The following MAP4K3 variants were observed in gnomAD, a reference collection of about 807,000 sequenced individuals.
The protein encoded by MAP4K3 is mitogen-activated protein kinase kinase kinase kinase 3.
In MAP4K3, 94 loss-of-function variants were observed where a neutral mutation model predicts 143.5. The observed-to-expected ratio is 0.65, with a 90% CI of 0.55 to 0.78. The LOEUF (loss-of-function observed/expected upper bound fraction) is 0.78, where lower values mean the gene tolerates loss of function less well. Among genes scored for constraint, MAP4K3 ranks in the 30% least tolerant of loss-of-function variants. The probability of loss-of-function intolerance (pLI) is 0.00; values close to 1 mark genes in which losing one functional copy is unlikely to be tolerated. For missense variants in MAP4K3, 1,077 were observed against 1,068.1 expected, an observed-to-expected ratio of 1.01 and a Z score of -0.12; for synonymous variants, 416 against 347.2, an observed-to-expected ratio of 1.20 and a Z score of -2.20.
chr2:39,378,113 A>G lies in MAP4K3; in HGVS notation c.107T>C (p.Val36Ala). Reference sequence around the variant, plus strand: ...AATTGCTGCTAATTCACCAGTGTTAACATTCCGTGCCTAAAAGAAAGAGGA... The same window carrying G: ...AATTGCTGCTAATTCACCAGTGTTAGCATTCCGTGCCTAAAAGAAAGAGGA... ...TYGDVYKARNVNTGELAAIKV... is the reference protein window; with the variant it reads ...TYGDVYKARNANTGELAAIKV... Residue 36 changes from valine to alanine, a missense_variant, in exon 2 of 34, where the codon GTT becomes GCT. Val to Ala is a moderately conservative substitution (Grantham distance 64, BLOSUM62 0). This residue lies in a region of MAP4K3 where 213 missense variants were observed against 266.8 expected (regional missense o/e 0.80). Transcript: ENST00000263881. The G allele has an allele frequency of 1.3e-6, 2 of 1,586,330 alleles. No individual in the cohort carries two copies. Among genetic ancestry groups the G allele is most frequent in the Non-Finnish European group, 8.6e-7 (1 of 1,165,702 alleles).
At chr2:39,267,745 T>C (rs989997590) in intron 26 of MAP4K3, among the ~76,000 whole-genome samples, 4 of 150,194 alleles carry the variant, frequency 2.7e-5, no homozygotes, top group African/African-American at 7.3e-5. Flanking sequence ...CAGTTCCAAA[T>C]GGGTTAAGGG....
At chr2:39,370,418 T>C (rs1383466459) in intron 2 of MAP4K3, among the ~76,000 whole-genome samples, 2 of 152,104 alleles carry the variant, frequency 1.3e-5, no homozygotes, top group East Asian at 3.8e-4. Context: ...AGGCACCAGA[T>C]AAATCATATC....
chr2:39,377,267 C>T (rs1278561354), intron 2 of MAP4K3, among the ~76,000 whole-genome samples: 1 of 130,002 alleles, frequency 7.7e-6, no homozygotes, highest in Non-Finnish European at 1.6e-5. Flanking sequence ...GATTTCTGTT[C>T]ATACTGGAGC....
intron 1 of MAP4K3, among the ~76,000 whole-genome samples, chr2:39,429,596 G>T (rs936031382): frequency 6.6e-6 from 1 of 152,068 alleles, no homozygotes; most frequent in East Asian, 1.9e-4. Context: ...GGGGAAGGTG[G>T]GTGTTGGGTA....
intron 3 of MAP4K3, among the ~76,000 whole-genome samples, chr2:39,354,166 A>G (rs10190069): frequency 0.89 from 135,283 of 152,140 alleles, 60,361 homozygotes; most frequent in Non-Finnish European, 0.92. Flanking sequence ...AAAAAAGGCC[A>G]GGCACAGTGG....
At chr2:39,340,111 T>C (rs531855878) in intron 4 of MAP4K3, among the ~76,000 whole-genome samples, 18 of 152,276 alleles carry the variant, frequency 1.2e-4, no homozygotes, top group African/African-American at 2.9e-4. Flanking sequence ...AGGGGAAACC[T>C]TGCAAGCACT....
At chr2:39,422,690 TGG>T (rs1667580604) in intron 1 of MAP4K3, among the ~76,000 whole-genome samples, 2 of 152,108 alleles carry the variant, frequency 1.3e-5, no homozygotes, top group Admixed American at 1.3e-4. Flanking sequence ...CAAATAGTAC[TGG>T]AACAACTGTA....
chr2:39,368,898 C>T (rs959970284), intron 2 of MAP4K3, among the ~76,000 whole-genome samples: 31 of 152,090 alleles, frequency 2.0e-4, no homozygotes, highest in Admixed American at 2.0e-3. Context: ...ACCTATTCTT[C>T]CCATAAACTC....
chr2:39,319,328 T>C (rs986505418), intron 12 of MAP4K3, among the ~76,000 whole-genome samples: 2 of 152,074 alleles, frequency 1.3e-5, no homozygotes, highest in African/African-American at 2.4e-5. Flanking sequence ...ACTAAAACCT[T>C]ATTGTTTCTT....
chr2:39,367,172 C>T (rs930958822), intron 2 of MAP4K3, among the ~76,000 whole-genome samples: 2 of 152,198 alleles, frequency 1.3e-5, no homozygotes, highest in African/African-American at 4.8e-5. Flanking sequence ...CTTACATTTA[C>T]ATACATTGTT....
At chr2:39,356,611 G>A (rs894288833) in intron 2 of MAP4K3, among the ~76,000 whole-genome samples, 1 of 152,154 alleles carries the variant, frequency 6.6e-6, no homozygotes, top group Non-Finnish European at 1.5e-5. Flanking sequence ...TAAGCGGTGT[G>A]AGTTTGGGTA....
intron 2 of MAP4K3, among the ~76,000 whole-genome samples, chr2:39,357,324 T>C (rs1343806065): frequency 6.6e-6 from 1 of 152,232 alleles, no homozygotes; most frequent in African/African-American, 2.4e-5. Context: ...GCTTTTAAAG[T>C]ATTATATACT....
intron 24 of MAP4K3, among the ~76,000 whole-genome samples, chr2:39,276,683 T>C (rs142172853): frequency 0.01 from 1,532 of 152,336 alleles, 26 homozygotes; most frequent in Admixed American, 0.04. Flanking sequence ...TTAAAAACAC[T>C]GCGTGGACAC....
intron 3 of MAP4K3, among the ~76,000 whole-genome samples, chr2:39,347,858 T>C (rs1665341303): frequency 6.6e-6 from 1 of 152,090 alleles, no homozygotes; most frequent in Non-Finnish European, 1.5e-5. Flanking sequence ...ATTAGAAATT[T>C]ATCCTAGAGC....
intron 1 of MAP4K3, among the ~76,000 whole-genome samples, chr2:39,390,619 C>A (rs150158622): frequency 6.6e-6 from 1 of 152,034 alleles, no homozygotes; most frequent in Admixed American, 6.6e-5. Context: ...ATGCCCAGGG[C>A]TGAGAAAAAG....
At chr2:39,265,708 T>C (rs1680736975) in intron 27 of MAP4K3, among the ~76,000 whole-genome samples, 1 of 152,222 alleles carries the variant, frequency 6.6e-6, no homozygotes, top group Non-Finnish European at 1.5e-5. Flanking sequence ...AAGGTGCTTT[T>C]GGTGGTAATG....
chr2:39,270,449 A>C (rs369543423), intron 26 of MAP4K3, among the ~76,000 whole-genome samples: 1 of 152,244 alleles, frequency 6.6e-6, no homozygotes, highest in African/African-American at 2.4e-5. Flanking sequence ...GGCAGAGTTC[A>C]ATTTATCATG....
In MAP4K3 at chr2:39,365,103, T is replaced by C. The variant is rs374477015; in HGVS notation, c.155-8764A>G. ...CATTTCAAAATATATCAAAGAAATA[T>C]ACTTGGGATAAAATACTTCTATTTC... On this transcript the variant is annotated intron_variant, in intron 2 of 33. Transcript: ENST00000263881. Among the ~76,000 whole-genome samples the C allele has an allele frequency of 3.4e-3, 514 of 152,248 alleles. 26 individuals are homozygous for C. The South Asian group carries it at 0.1, about 31-fold the overall frequency.
chr2:39,389,311 G>C (rs10196447), intron 1 of MAP4K3, among the ~76,000 whole-genome samples: 115,754 of 152,056 alleles, frequency 0.76, 49,133 homozygotes, highest in Non-Finnish European at 0.93. Context: ...GAGAGATTAA[G>C]AGACACAAAG....
Sources: gnomAD v4.1 joint callset for allele counts (sites outside exome capture counted in the v4.1 genomes callset) on GRCh38, gnomAD v4.1.1 for gene constraint, gnomAD v4.1.1 regional missense constraint, MANE v1.5 for transcripts, NCBI Gene and HGNC (gene_info 2026-07-23, HGNC 2026-07-21) for gene names.